PIK3C2G: variants seen among roughly 807,000 people sequenced by gnomAD.
The protein encoded by PIK3C2G is phosphatidylinositol 3-kinase C2 domain-containing subunit gamma.
A neutral mutation model predicts 181.1 loss-of-function variants in PIK3C2G; 168 were observed. That is an observed-to-expected ratio of 0.93 (90% CI 0.82 to 1.05). The LOEUF is 1.05. PIK3C2G is among the 50% of genes least tolerant of loss of function. PIK3C2G has a pLI of 0.00. For synonymous variants in PIK3C2G, 573 were observed against 592.2 expected (o/e 0.97, Z 0.47); for missense variants, 1,869 against 1,732.8 (o/e 1.08, Z -1.40).
intron 16 of PIK3C2G, among the ~76,000 whole-genome samples, chr12:18,404,980 G>A (rs774155383): frequency 2.6e-5 from 4 of 152,082 alleles, no homozygotes; most frequent in Admixed American, 6.6e-5. Context: ...CAGTAGGAAC[G>A]CACAAAGCAG....
At chr12:18,297,895 G>T (rs1350490032) in intron 5 of PIK3C2G, among the ~76,000 whole-genome samples, 2 of 151,868 alleles carry the variant, frequency 1.3e-5, no homozygotes, top group Non-Finnish European at 2.9e-5. Context: ...CATTGTGTAT[G>T]TATACCACAT....
intron 18 of PIK3C2G, chr12:18,424,850 G>A (rs567311952): frequency 2.5e-4 from 53 of 208,084 alleles, no homozygotes; most frequent in Non-Finnish European, 4.5e-4. Context: ...ACAACACCAC[G>A]ATATATGGAA....
chr12:18,268,105 G>A (rs1948586071), intron 1 of PIK3C2G, among the ~76,000 whole-genome samples: 1 of 152,062 alleles, frequency 6.6e-6, no homozygotes, highest in Non-Finnish European at 1.5e-5. Flanking sequence ...ATTTTTTCAG[G>A]CTGGGATATT....
chr12:18,538,847 A>G (rs1389008897), intron 25 of PIK3C2G, among the ~76,000 whole-genome samples: 2 of 151,888 alleles, frequency 1.3e-5, no homozygotes, highest in East Asian at 1.9e-4. Flanking sequence ...TCATGGTCCT[A>G]CACACTCTCT....
At chr12:18,251,996 G>T (rs940772794) in intron 1 of PIK3C2G, among the ~76,000 whole-genome samples, 2 of 151,960 alleles carry the variant, frequency 1.3e-5, no homozygotes, top group Admixed American at 1.3e-4. Flanking sequence ...ACTTAAATTA[G>T]TTTTTTCCAG....
At chr12:18,515,744 C>T (rs183734617) in intron 24 of PIK3C2G, among the ~76,000 whole-genome samples, 1 of 151,960 alleles carries the variant, frequency 6.6e-6, no homozygotes, top group African/African-American at 2.4e-5. Flanking sequence ...TTCTTTCCTT[C>T]CACTAATTTG....
At position 18,555,367 on chromosome 12, in the gene PIK3C2G, T is replaced by C. The variant is rs114723997; in HGVS notation, c.3591-7336T>C. 7.6e-3 allele frequency among the ~76,000 whole-genome samples: 1,152 copies of C among 152,166 alleles called. 12 individuals are homozygous for C. The highest frequency in any genetic ancestry group is 0.026 in the African/African-American group (1,091 of 41,526). On this transcript the variant is annotated intron_variant, in intron 26 of 32. Transcript: ENST00000538779. ...CATAAATGTGAATTTATATTTAATT[T>C]GAGAAAAAATAATCTGCCTAGATGC...
At chr12:18,610,469 A>G (rs2136602487) in intron 31 of PIK3C2G, among the ~76,000 whole-genome samples, 1 of 152,264 alleles carries the variant, frequency 6.6e-6, no homozygotes, top group African/African-American at 2.4e-5. Flanking sequence ...GTGAACAAAT[A>G]ATTGGCATAA....
intron 25 of PIK3C2G, among the ~76,000 whole-genome samples, chr12:18,543,849 C>A (rs139358467): frequency 6.6e-6 from 1 of 151,800 alleles, no homozygotes; most frequent in Non-Finnish European, 1.5e-5. Flanking sequence ...TTATTAAAAT[C>A]TAGCTATTTA....
At chr12:18,362,113 T>C (rs1161243244) in intron 11 of PIK3C2G, among the ~76,000 whole-genome samples, 2 of 152,110 alleles carry the variant, frequency 1.3e-5, no homozygotes, top group African/African-American at 4.8e-5. Flanking sequence ...ATCAACTCTT[T>C]TCCTACCCAA....
chr12:18,445,189 G>A (rs1425401450), intron 18 of PIK3C2G, among the ~76,000 whole-genome samples: 1 of 151,874 alleles, frequency 6.6e-6, no homozygotes, highest in African/African-American at 2.4e-5. Flanking sequence ...TTTATATTAG[G>A]AAAATACTTT....
chr12:18,467,833 G>C (rs2135963107), intron 18 of PIK3C2G, among the ~76,000 whole-genome samples: 1 of 152,012 alleles, frequency 6.6e-6, no homozygotes, highest in East Asian at 1.9e-4. Flanking sequence ...TAGAGCACAA[G>C]TGGAAATCCC....
At chr12:18,338,617 GACT>G in intron 9 of PIK3C2G, 69 bp downstream of exon 9, 1 of 1,032,526 alleles carries the variant, frequency 9.7e-7, no homozygotes, top group Non-Finnish European at 1.5e-6. Context: ...GAGAGTGAAA[GACT>G]TTTTACTAAC....
chr12:18,305,783 A>G (rs927003369), intron 5 of PIK3C2G, among the ~76,000 whole-genome samples: 3 of 152,060 alleles, frequency 2.0e-5, no homozygotes, highest in Non-Finnish European at 2.9e-5. Flanking sequence ...ATAAAACCTT[A>G]GGATAGAATG....
chr12:18,548,169 T>G (rs1462007418), intron 26 of PIK3C2G, among the ~76,000 whole-genome samples: 1 of 151,954 alleles, frequency 6.6e-6, no homozygotes, highest in Non-Finnish European at 1.5e-5. Flanking sequence ...GATTCTTTTC[T>G]TTAAAATGGC....
At chr12:18,360,245 TTCAA>T (rs1390290226) in intron 11 of PIK3C2G, among the ~76,000 whole-genome samples, 1 of 152,154 alleles carries the variant, frequency 6.6e-6, no homozygotes, top group Non-Finnish European at 1.5e-5. Flanking sequence ...TTAACTAAAA[TTCAA>T]TCACATACGA....
intron 12 of PIK3C2G, among the ~76,000 whole-genome samples, chr12:18,367,485 C>T (rs982159235): frequency 3.9e-5 from 6 of 152,112 alleles, no homozygotes; most frequent in African/African-American, 1.4e-4. Flanking sequence ...GCTAGAATTA[C>T]GTATTTGTCA....
At chr12:18,657,734 T>G in the PIK3C2G span, among the ~76,000 whole-genome samples, 1 of 151,962 alleles carries the variant, frequency 6.6e-6, no homozygotes, top group African/African-American at 2.4e-5. Flanking sequence ...ATTTCTAGAG[T>G]TGCCACACTA....
At chr12:18,568,508 G>A (rs1945759550) in intron 29 of PIK3C2G, among the ~76,000 whole-genome samples, 2 of 152,048 alleles carry the variant, frequency 1.3e-5, no homozygotes, top group African/African-American at 4.8e-5. Flanking sequence ...TCTGTAGGGT[G>A]GGCTGGCAGG....
Sources: gnomAD v4.1 joint callset for allele counts (sites outside exome capture counted in the v4.1 genomes callset) on GRCh38, gnomAD v4.1.1 for gene constraint, MANE v1.5 for transcripts, NCBI Gene and HGNC (gene_info 2026-07-23, HGNC 2026-07-21) for gene names.